NOL4L: variants seen among roughly 807,000 people sequenced by gnomAD.
The protein encoded by NOL4L is nucleolar protein 4 like.
NOL4L carries 7 observed loss-of-function variants against 64.5 expected under a neutral mutation model. The observed-to-expected ratio is 0.11, with a 90% CI of 0.06 to 0.20. NOL4L has a LOEUF of 0.20. NOL4L is among the 10% of genes least tolerant of loss of function. NOL4L has a pLI of 1.00. For synonymous variants in NOL4L, 413 were observed against 401.0 expected (o/e 1.03, Z -0.36); for missense variants, 680 against 967.1 (o/e 0.70, Z 3.94).
intron 1 of NOL4L, among the ~76,000 whole-genome samples, chr20:32,583,483 G>C: frequency 6.8e-6 from 1 of 147,380 alleles, no homozygotes; most frequent in South Asian, 2.1e-4. Flanking sequence ...GGGGGAGGGA[G>C]GGAGGCCGGC....
intron 1 of NOL4L, among the ~76,000 whole-genome samples, chr20:32,531,365 A>G (rs1202268386): frequency 6.8e-6 from 1 of 145,996 alleles, no homozygotes; most frequent in Non-Finnish European, 1.5e-5. Context: ...TTATTTCTAT[A>G]CCTTTTTTTT....
At chr20:32,503,072 A>G (rs1248137914) in intron 4 of NOL4L, among the ~76,000 whole-genome samples, 3 of 152,186 alleles carry the variant, frequency 2.0e-5, no homozygotes, top group Non-Finnish European at 4.4e-5. Flanking sequence ...GGCTTCTCCA[A>G]CTGTATGTCC....
chr20:32,539,934 C>T (rs754449397), intron 1 of NOL4L, among the ~76,000 whole-genome samples: 2 of 152,216 alleles, frequency 1.3e-5, no homozygotes, highest in Non-Finnish European at 2.9e-5. Flanking sequence ...CTCTCCTGCC[C>T]CTCGGCCGGG....
chr20:32,466,282 G>A (rs2145462142), intron 5 of NOL4L, among the ~76,000 whole-genome samples: 1 of 152,248 alleles, frequency 6.6e-6, no homozygotes, highest in African/African-American at 2.4e-5. Context: ...CACTTTCTCA[G>A]TAGGTGAACC....
At chr20:32,541,555 C>T (rs1239816496) in intron 1 of NOL4L, among the ~76,000 whole-genome samples, 5 of 152,168 alleles carry the variant, frequency 3.3e-5, no homozygotes, top group Non-Finnish European at 7.3e-5. Flanking sequence ...CTCGTCTGGC[C>T]ACAGCCGCCA....
intron 4 of NOL4L, among the ~76,000 whole-genome samples, chr20:32,506,534 GC>G (rs2017147472): frequency 6.6e-6 from 1 of 152,050 alleles, no homozygotes; most frequent in African/African-American, 2.4e-5. Context: ...GGTGGTGCGT[GC>G]CTGTAATCTC....
intron 4 of NOL4L, chr20:32,510,420 T>G: frequency 5.2e-6 from 1 of 192,626 alleles, no homozygotes; most frequent in Non-Finnish European, 1.1e-5. Flanking sequence ...TACATCACCA[T>G]GGATCTGGCC....
At chr20:32,510,244 C>A (rs2017337066) in intron 4 of NOL4L, 1 of 346,510 alleles carries the variant, frequency 2.9e-6, no homozygotes. Flanking sequence ...CCGCTCAGAG[C>A]AAAGCCTACG....
chr20:32,510,910 C>G (rs1232541483), intron 4 of NOL4L, among the ~76,000 whole-genome samples: 1 of 152,176 alleles, frequency 6.6e-6, no homozygotes, highest in Non-Finnish European at 1.5e-5. Context: ...GGTCCACCCT[C>G]CAAGGACTAT....
chr20:32,535,801 T>C (rs967708129), intron 1 of NOL4L: 1 of 985,426 alleles, frequency 1.0e-6, no homozygotes, highest in Non-Finnish European at 1.2e-6. Context: ...TGGGCCACAG[T>C]GCCCCCCAGT....
chr20:32,481,639 G>T (rs1043863682), intron 4 of NOL4L, among the ~76,000 whole-genome samples: 1 of 152,206 alleles, frequency 6.6e-6, no homozygotes, highest in African/African-American at 2.4e-5. Context: ...CTCAAGAGGT[G>T]CTGTCTTAAA....
At position 32,526,127 on chromosome 20, in the gene NOL4L, C is replaced by T. The variant is rs941968244; in HGVS notation, c.477+1631G>A. ...GTTGGTCTTGAACTTCCAGCTCAAA[C>T]AATCCTCCCATCTCAACCTTCCAAA... On this transcript the variant is annotated intron_variant, in intron 2 of 10. Coordinates refer to ENST00000621426, the MANE Select transcript of NOL4L (RefSeq NM_001256798.2). 5.3e-5 allele frequency among the ~76,000 whole-genome samples: 8 copies of T among 152,142 alleles called. 1 individual carries two copies. The East Asian group carries it at 1.4e-3, about 26-fold the overall frequency.
chr20:32,583,383 T>C (rs1980621743), intron 1 of NOL4L, among the ~76,000 whole-genome samples: 2 of 146,226 alleles, frequency 1.4e-5, no homozygotes, highest in African/African-American at 5.0e-5. Flanking sequence ...ATCAATTGTG[T>C]GTGAAGAGCC....
At chr20:32,482,585 G>C (rs973486308) in intron 4 of NOL4L, among the ~76,000 whole-genome samples, 3 of 151,786 alleles carry the variant, frequency 2.0e-5, no homozygotes, top group Non-Finnish European at 4.4e-5. Context: ...CCCTGCGCGC[G>C]CCCTCGAGGC....
chr20:32,452,047 T>C (rs1349272900), intron 10 of NOL4L, among the ~76,000 whole-genome samples, 189 bp downstream of exon 10: 1 of 152,142 alleles, frequency 6.6e-6, no homozygotes, highest in African/African-American at 2.4e-5. Context: ...CACCTTCCAA[T>C]CTAAGGACCA....
chr20:32,473,067 C>T (rs2015134035), intron 5 of NOL4L, among the ~76,000 whole-genome samples: 1 of 152,234 alleles, frequency 6.6e-6, no homozygotes, highest in African/African-American at 2.4e-5. Flanking sequence ...CAGACCTCCC[C>T]AGGACGTGTC....
At chr20:32,511,520 G>T in intron 3 of NOL4L, 64 bp from the exon 4 acceptor site, 1 of 1,146,442 alleles carries the variant, frequency 8.7e-7, no homozygotes, top group Non-Finnish European at 1.3e-6. Flanking sequence ...CCCACATGGA[G>T]CATTTAACAG....
intron 1 of NOL4L, chr20:32,536,975 A>G: frequency 7.7e-6 from 4 of 520,614 alleles, no homozygotes; most frequent in Non-Finnish European, 9.4e-6. Context: ...CGCCCACCCC[A>G]CGCGCACCTG....
intron 1 of NOL4L, among the ~76,000 whole-genome samples, chr20:32,572,898 G>A (rs553639035): frequency 3.3e-5 from 5 of 152,292 alleles, no homozygotes; most frequent in South Asian, 4.2e-4. Flanking sequence ...CTCCATGTCC[G>A]TAAGGTCTCA....
Sources: allele counts gnomAD v4.1 joint callset (sites outside exome capture counted in the v4.1 genomes callset), GRCh38; gene constraint gnomAD v4.1.1; transcripts MANE v1.5; gene names NCBI Gene and HGNC (gene_info 2026-07-23, HGNC 2026-07-21).